Variants in PUS7L observed in about 807,000 individuals in gnomAD.
PUS7L encodes the protein pseudouridylate synthase PUS7L.
A neutral mutation model predicts 51.1 loss-of-function variants in PUS7L; 49 were observed. The ratio of observed to expected loss-of-function variants is 0.96; its 90% CI spans 0.76 to 1.22. The LOEUF is 1.22. Among genes scored for constraint, PUS7L ranks in the 50% most tolerant of loss-of-function variants. PUS7L has a pLI of 0.00. For missense variants in PUS7L, 828 were observed against 820.6 expected (o/e 1.01, Z -0.11); for synonymous variants, 277 against 276.2 (o/e 1.00, Z -0.03).
rs184214983 is a variant in PUS7L at position 43,724,545 on chromosome 12, G to A, written c.*5831C>T. 1 of 152,020 alleles carries A rather than the reference G, an allele frequency of 6.6e-6. No homozygotes were observed. Among genetic ancestry groups the A allele is most frequent in the Non-Finnish European group, 1.5e-5 (1 of 67,934 alleles). 9.4% of individuals were successfully genotyped at this position (152,020 alleles called of 1,614,324 possible). On this transcript the variant is annotated 3_prime_UTR_variant, in exon 9 of 9. Transcript: ENST00000344862. ...AGTAAAATTTTAAGATATAGCATGT[G>A]GTCATCAATGCCTCTGCTCATAATG...
At position 43,758,671 on chromosome 12, in the gene PUS7L, AC is replaced by A. The variant is rs1939044193; in HGVS notation, c.-17+58del. 25 of 401,730 alleles carry A rather than the reference AC, an allele frequency of 6.2e-5. 2 individuals carry two copies. Among genetic ancestry groups the A allele is most frequent in the Non-Finnish European group, 7.0e-5 (25 of 359,512 alleles). The allele number at this position is 401,730 out of a possible 1,614,324, so 24.9% of individuals were successfully genotyped here. ...ACCTCGTCACCCCCCCCCCCCACAC[AC>A]ACACACACACACACACATACAAGCC... On this transcript the variant is annotated intron_variant, in intron 1 of 8. Transcript: ENST00000344862.
rs1289337073 is a variant in PUS7L at position 43,754,829 on chromosome 12, AT to A, written c.416del (p.Asn139IlefsTer6). On this transcript the variant is annotated frameshift_variant, in exon 2 of 9. Transcript: ENST00000344862. LOFTEE classifies it high-confidence loss of function. ...LDEKTHELLN[N>X]FACDVREKWL... ...ACTTCTCTCTTACATCACAGGCAAAATTATTCAGTAACTCATGAGTTTTTTC... is the reference window on the plus strand; with the variant it reads ...ACTTCTCTCTTACATCACAGGCAAAATATTCAGTAACTCATGAGTTTTTTC... 12 of 1,613,678 alleles carry A rather than the reference AT, an allele frequency of 7.4e-6. No homozygotes were observed. The highest frequency in any genetic ancestry group is 1.0e-5 in the Non-Finnish European group (12 of 1,179,884).
At position 43,724,961 on chromosome 12, in the gene PUS7L, A is replaced by C. The variant is rs1944436044; in HGVS notation, c.*5415T>G. 1 of 152,172 alleles carries C rather than the reference A, an allele frequency of 6.6e-6. No individual in the cohort carries two copies. The highest frequency in any genetic ancestry group is 1.5e-5 in the Non-Finnish European group (1 of 68,022). 9.4% of individuals were successfully genotyped at this position (152,172 alleles called of 1,614,324 possible). ...AAATTCAATAAAACAATGCAATCCT[A>C]TTACATTCTAGCTACATATTATATT... On this transcript the variant is annotated 3_prime_UTR_variant, in exon 9 of 9. Transcript: ENST00000344862.
intron 3 of PUS7L, among the ~76,000 whole-genome samples, chr12:43,748,079 G>A (rs1403066701): frequency 1.3e-5 from 2 of 152,172 alleles, no homozygotes; most frequent in East Asian, 1.9e-4. Flanking sequence ...GTAAGCCACC[G>A]TGCCCAGCCT....
chr12:43,743,579 T>C (rs10880560), intron 4 of PUS7L, among the ~76,000 whole-genome samples: 22,961 of 152,082 alleles, frequency 0.15, 2,371 homozygotes, highest in African/African-American at 0.29. Flanking sequence ...CTGGCTAACA[T>C]GGTGAAACCC....
At chr12:43,758,656 C>CA (rs1271073867) in intron 1 of PUS7L, 74 bp downstream of exon 1, 10 of 527,492 alleles carry the variant, frequency 1.9e-5, no homozygotes, top group Non-Finnish European at 1.7e-5. Flanking sequence ...ACCTCGTCAC[C>CA]CCCCCCCCCC....
At chr12:43,731,820 C>T in intron 7 of PUS7L, 62 bp from the exon 8 acceptor site, 2 of 960,844 alleles carry the variant, frequency 2.1e-6, no homozygotes, top group South Asian at 1.4e-5. Flanking sequence ...CCACCACTTT[C>T]AATTTTCCCT....
chr12:43,754,543 G>C lies in PUS7L; in HGVS notation c.703C>G (p.Pro235Ala). 6.2e-7 allele frequency: 1 copy of C among 1,610,370 alleles called. No homozygotes were observed. The highest frequency in any genetic ancestry group is 8.5e-7 in the Non-Finnish European group (1 of 1,178,808). ...KKENSKFTFK[P>A]DTNKDHRKAV... ...TTTCTGTGGTCTTTGTTTGTATCAG[G>C]TTTAAAGGTAAATTTGGAATTTTCT... The change falls in exon 2 of 9, where the codon CCT (proline) becomes GCT (alanine). Residue 235 changes from proline (P) to alanine (A), a missense_variant. Physicochemically the swap from Pro to Ala is conservative, Grantham distance 27. Transcript: ENST00000344862.
intron 1 of PUS7L, chr12:43,758,202 G>T: frequency 3.9e-6 from 2 of 512,694 alleles, no homozygotes; most frequent in Non-Finnish European, 5.0e-6. Flanking sequence ...AAAGGAGGAA[G>T]ACAGACATTC....
At position 43,754,591 on chromosome 12, in the gene PUS7L, A is replaced by C; in HGVS notation, c.655T>G (p.Phe219Val). The C allele has an allele frequency of 2.5e-6, 4 of 1,610,416 alleles. No individual in the cohort carries two copies. In the South Asian group the frequency reaches 3.3e-5, roughly 13 times the overall value. Residue 219 changes from phenylalanine (F) to valine (V), a missense_variant, in exon 2 of 9, where the codon TTT becomes GTT. Transcript: ENST00000344862. ...TCTTTCTTTGCATCCAAATATTTAA[A>C]AAAGTCAAATGCTTCCTCTTCAGAT... ...LVSEEEAFDF[F>V]KYLDAKKENS... is the part of the protein sequence containing the mutation.
In PUS7L at chr12:43,729,365, C is replaced by T. The variant is rs184698306; in HGVS notation, c.*1011G>A. ...ATGCTCCATACTGCTTTTTAAATTT[C>T]ATCATTATATCTTACCAACAATGAA... On this transcript the variant is annotated 3_prime_UTR_variant, in exon 9 of 9. Coordinates refer to ENST00000344862, the MANE Select transcript of PUS7L (RefSeq NM_031292.5). The T allele has an allele frequency of 2.6e-6, 1 of 389,022 alleles. No individual in the cohort carries two copies. The highest frequency in any genetic ancestry group is 2.1e-5 in the African/African-American group (1 of 48,532). The allele number at this position is 389,022 out of a possible 1,614,324, so 24.1% of individuals were successfully genotyped here.
rs1191460628 is a variant in PUS7L, at chr12:43,736,140, A to C, written c.1725+241T>G. Reference sequence around the variant, plus strand: ...TAATCTTTTTTAAAATGGGTTTTTTAAAGGAAGCTTTACTACCTATATATC... The same window carrying C: ...TAATCTTTTTTAAAATGGGTTTTTTCAAGGAAGCTTTACTACCTATATATC... On this transcript the variant is annotated intron_variant, in intron 7 of 8. Coordinates refer to ENST00000344862, the MANE Select transcript of PUS7L (RefSeq NM_031292.5). 2.0e-5 allele frequency among the ~76,000 whole-genome samples: 3 copies of C among 152,130 alleles called. No homozygotes were observed. In the East Asian group the frequency reaches 5.8e-4, roughly 29 times the overall value.
At position 43,730,644 on chromosome 12, in the gene PUS7L, C is replaced by A. The variant is rs1944530594; in HGVS notation, c.1838G>T (p.Trp613Leu). Reference sequence around the variant, plus strand: ...ATCTCTGCTAAGTATGTCATGGTACCACTGCCCTACTTTGTTCTTCGGGTA... The same window carrying A: ...ATCTCTGCTAAGTATGTCATGGTACAACTGCCCTACTTTGTTCTTCGGGTA... ...IQYPKNKVGQ[W>L]YHDILSRDGL... Residue 613 changes from tryptophan (W) to leucine (L), a missense_variant, in exon 9 of 9, where the codon TGG becomes TTG. Trp to Leu is a moderately conservative substitution (Grantham distance 61). Coordinates refer to ENST00000344862, the MANE Select transcript of PUS7L (RefSeq NM_031292.5). The A allele has an allele frequency of 6.2e-7, 1 of 1,613,676 alleles. No homozygotes were observed. Among genetic ancestry groups the A allele is most frequent in the East Asian group, 2.2e-5 (1 of 44,842 alleles).
Position 43,754,566 on chromosome 12 carries a change from T to C in PUS7L, c.680A>G (p.Glu227Gly), listed in dbSNP as rs757703366. ...AGGTTTAAAGGTAAATTTGGAATTTTCTTTCTTTGCATCCAAATATTTAAA... is the reference window on the plus strand; with the variant it reads ...AGGTTTAAAGGTAAATTTGGAATTTCCTTTCTTTGCATCCAAATATTTAAA... Reference protein sequence around the residue: ...DFFKYLDAKKENSKFTFKPDT... With the variant: ...DFFKYLDAKKGNSKFTFKPDT... The change falls in exon 2 of 9, where the codon GAA becomes GGA. Residue 227 changes from glutamate to glycine, a missense_variant. Physicochemically the swap from Glu to Gly is moderately conservative, Grantham distance 98 (BLOSUM62 -2). Coordinates refer to ENST00000344862, the MANE Select transcript of PUS7L (RefSeq NM_031292.5). The C allele has an allele frequency of 5.6e-6, 9 of 1,609,110 alleles. No individual in the cohort carries two copies. Among genetic ancestry groups the C allele is most frequent in the Non-Finnish European group, 7.6e-6 (9 of 1,178,398 alleles).
In PUS7L at chr12:43,758,654, A is replaced by AC. The variant is rs760755963; in HGVS notation, c.-17+75dup. 4,391 of 460,560 alleles carry AC rather than the reference A, an allele frequency of 9.5e-3. 23 individuals are homozygous for AC. The highest frequency in any genetic ancestry group is 0.024 in the South Asian group (211 of 8,718). The allele number at this position is 460,560 out of a possible 1,614,324, so 28.5% of individuals were successfully genotyped here. ...ATGGATCCTCAATGCCAACCTCGTCACCCCCCCCCCCCACACACACACACA... is the reference window on the plus strand; with the variant it reads ...ATGGATCCTCAATGCCAACCTCGTCACCCCCCCCCCCCCACACACACACACA... On this transcript the variant is annotated intron_variant, in intron 1 of 8. Transcript: ENST00000344862.
rs2137648774 is a variant in PUS7L, at chr12:43,726,962, T to C, written c.*3414A>G. The C allele has an allele frequency of 6.6e-6, 1 of 152,028 alleles. No individual in the cohort carries two copies. Among genetic ancestry groups the C allele is most frequent in the East Asian group, 1.9e-4 (1 of 5,172 alleles). The allele number at this position is 152,028 out of a possible 1,614,324, so 9.4% of individuals were successfully genotyped here. A position where few individuals can be genotyped will look rare whatever the true frequency, so the allele number is the denominator to read the frequency against. The stretch of plus-strand genomic sequence containing the variant: ...TTTTCAAAGTATGCATGAACAAAGG[T>C]CTGATATCCAGAATCTATGAAGAAC... On this transcript the variant is annotated 3_prime_UTR_variant, in exon 9 of 9. Coordinates refer to ENST00000344862, the MANE Select transcript of PUS7L (RefSeq NM_031292.5).
rs557968585 is a variant in PUS7L, at chr12:43,743,762, C to CA, written c.1264-1208dup. 2.8e-3 allele frequency among the ~76,000 whole-genome samples: 362 copies of CA among 127,822 alleles called. 1 individual carries two copies. Among genetic ancestry groups the CA allele is most frequent in the African/African-American group, 8.1e-3 (277 of 34,298 alleles). The allele number at this position is 127,822 out of a possible 152,430, so 83.9% of individuals were successfully genotyped here. On this transcript the variant is annotated intron_variant, in intron 4 of 8. Coordinates refer to ENST00000344862, the MANE Select transcript of PUS7L (RefSeq NM_031292.5). Reference sequence around the variant, plus strand: ...TGGGTGACAGAGCGAGACTCCGTCTCAAAAAAAAAAAAATTAATTACAGAT... The same window carrying CA: ...TGGGTGACAGAGCGAGACTCCGTCTCAAAAAAAAAAAAAATTAATTACAGAT...
intron 4 of PUS7L, among the ~76,000 whole-genome samples, chr12:43,743,359 C>G (rs543954693): frequency 3.3e-5 from 5 of 152,320 alleles, no homozygotes; most frequent in African/African-American, 9.6e-5. Flanking sequence ...TTTATTCAGT[C>G]AACAATTATT....
chr12:43,749,688 C>T (rs189228017), intron 2 of PUS7L, among the ~76,000 whole-genome samples: 164 of 152,136 alleles, frequency 1.1e-3, no homozygotes, highest in Non-Finnish European at 2.0e-3. Context: ...AAAGGTGGTA[C>T]ATATACACCA....
Sources: allele counts gnomAD v4.1 joint callset (sites outside exome capture counted in the v4.1 genomes callset), GRCh38; gene constraint gnomAD v4.1.1; transcripts MANE v1.5; gene names NCBI Gene and HGNC (gene_info 2026-07-23, HGNC 2026-07-21).